EXOC2: variants seen among roughly 807,000 people sequenced by gnomAD.
The protein encoded by EXOC2 is exocyst complex component 2, also known as SEC5-like 1.
In EXOC2, 70 loss-of-function variants were observed where a neutral mutation model predicts 131.8. That is an observed-to-expected ratio of 0.53 (90% CI 0.44 to 0.65). The LOEUF is 0.65. Among genes scored for constraint, EXOC2 ranks in the 30% least tolerant of loss-of-function variants. The pLI, the probability that EXOC2 is intolerant of heterozygous loss-of-function variation, is 0.00. For missense variants in EXOC2, 923 were observed against 1,108.6 expected (o/e 0.83, Z 2.38); for synonymous variants, 411 against 398.4 (o/e 1.03, Z -0.38).
At chr6:685,759 T>A (rs912789656) in intron 1 of EXOC2, among the ~76,000 whole-genome samples, 16 of 151,760 alleles carry the variant, frequency 1.1e-4, no homozygotes, top group African/African-American at 3.9e-4. Flanking sequence ...CCAAATTGTA[T>A]AGAGTTACGG....
intron 13 of EXOC2, among the ~76,000 whole-genome samples, chr6:567,712 A>G (rs1463314401): frequency 3.9e-5 from 6 of 152,032 alleles, no homozygotes; most frequent in African/African-American, 1.5e-4. Flanking sequence ...GTGCATGTGT[A>G]TATTACGTGT....
intron 26 of EXOC2, among the ~76,000 whole-genome samples, chr6:489,445 A>G (rs555735670): frequency 6.6e-6 from 1 of 152,360 alleles, no homozygotes; most frequent in South Asian, 2.1e-4. Context: ...TGGGGTGTTT[A>G]CAGTATTTGG....
At chr6:503,072 T>A (rs1162407826) in intron 23 of EXOC2, among the ~76,000 whole-genome samples, 1 of 152,200 alleles carries the variant, frequency 6.6e-6, no homozygotes, top group African/African-American at 2.4e-5. Flanking sequence ...GCTGGTATTA[T>A]AATTTTTGGT....
chr6:587,765 A>C (rs2127618950), intron 11 of EXOC2, among the ~76,000 whole-genome samples: 1 of 152,330 alleles, frequency 6.6e-6, no homozygotes, highest in East Asian at 1.9e-4. Context: ...AATGCTATCG[A>C]TGCACTCAGA....
chr6:570,127 A>T (rs987290303), intron 13 of EXOC2, among the ~76,000 whole-genome samples: 1 of 133,358 alleles, frequency 7.5e-6, no homozygotes, highest in East Asian at 2.3e-4. Flanking sequence ...TAAAAGACTA[A>T]TTCTTTCTCT....
chr6:486,793 C>A (rs776937799), intron 27 of EXOC2, 29 bp from the exon 28 acceptor site: 2 of 1,583,810 alleles, frequency 1.3e-6, no homozygotes, highest in South Asian at 1.1e-5. Context: ...TGTTTTACAG[C>A]CCGACAGATG....
intron 11 of EXOC2, among the ~76,000 whole-genome samples, chr6:586,779 TG>T (rs1380427346): frequency 2.0e-5 from 3 of 152,146 alleles, no homozygotes; most frequent in African/African-American, 7.2e-5. Flanking sequence ...GGGAGTGACC[TG>T]GACACCCACT....
intron 1 of EXOC2, among the ~76,000 whole-genome samples, chr6:674,475 G>T (rs948739353): frequency 1.2e-4 from 19 of 152,174 alleles, no homozygotes; most frequent in Admixed American, 1.0e-3. Flanking sequence ...AAGCCTTGCA[G>T]TAATAATGAG....
Position 592,478 on chromosome 6 carries a change from C to G in EXOC2, c.1183G>C (p.Asp395His), listed in dbSNP as rs759366249. 6.2e-7 allele frequency: 1 copy of G among 1,613,360 alleles called. No individual in the cohort carries two copies. The highest frequency in any genetic ancestry group is 2.2e-5 in the East Asian group (1 of 44,848). The change falls in exon 11 of 28, where the codon GAT (aspartate) becomes CAT (histidine). Residue 395 changes from aspartate (D) to histidine (H), a missense_variant. Physicochemically the swap from Asp to His is moderately conservative, Grantham distance 81. Transcript: ENST00000230449. ...MHSCKEGYVKDLKGNPGLHSP... is the reference protein window; with the variant it reads ...MHSCKEGYVKHLKGNPGLHSP... ...GAAGAGAAATCCTTGCCTTTCAGAT[C>G]TTTCACGTAGCCCTCTTTGCAACTG...
chr6:513,182 G>A (rs1764951522), intron 23 of EXOC2, among the ~76,000 whole-genome samples: 1 of 152,236 alleles, frequency 6.6e-6, no homozygotes, highest in African/African-American at 2.4e-5. Context: ...GTCACTGCAT[G>A]TGTGTTATCT....
intron 4 of EXOC2, among the ~76,000 whole-genome samples, chr6:628,143 A>G (rs779661220): frequency 6.6e-6 from 1 of 152,232 alleles, no homozygotes; most frequent in Non-Finnish European, 1.5e-5. Context: ...CCTAAGGAAC[A>G]GGTACTGCAT....
At chr6:637,929 G>T in intron 1 of EXOC2, 68 bp from the exon 2 acceptor site, 1 of 1,016,378 alleles carries the variant, frequency 9.8e-7, no homozygotes, top group Non-Finnish European at 1.5e-6. Flanking sequence ...ATATAAGAAT[G>T]CTAGACAGTC....
chr6:658,645 T>TTATATATATATA (rs373868934), intron 1 of EXOC2, among the ~76,000 whole-genome samples: 2 of 118,348 alleles, frequency 1.7e-5, no homozygotes, highest in African/African-American at 3.1e-5. Flanking sequence ...TATATATATT[T>TTATATATATATA]TATATATATA....
chr6:678,573 A>C (rs1021473147), intron 1 of EXOC2, among the ~76,000 whole-genome samples: 2 of 152,240 alleles, frequency 1.3e-5, no homozygotes, highest in Non-Finnish European at 2.9e-5. Flanking sequence ...AATTAGAAAA[A>C]ATAGAGAAAC....
In EXOC2 at chr6:507,001, T is replaced by G. The variant is rs537006494; in HGVS notation, c.2381-7301A>C. On this transcript the variant is annotated intron_variant, in intron 23 of 27. Transcript: ENST00000230449. ...GACACTTTTCCAGGGGCTGGGGATA[T>G]AGCAGGGACTACACACACACACACA... 7.9e-5 allele frequency among the ~76,000 whole-genome samples: 12 copies of G among 151,722 alleles called. No homozygotes were observed. In the East Asian group the frequency reaches 9.7e-4, roughly 12 times the overall value.
intron 23 of EXOC2, among the ~76,000 whole-genome samples, chr6:517,045 T>C (rs1765198757): frequency 1.3e-5 from 2 of 152,156 alleles, no homozygotes; most frequent in Admixed American, 6.5e-5. Context: ...CCATGACTGA[T>C]GCTGCCACAG....
At chr6:564,831 G>A in intron 14 of EXOC2, 33 bp downstream of exon 14, 1 of 1,595,612 alleles carries the variant, frequency 6.3e-7, no homozygotes, top group South Asian at 1.2e-5. Flanking sequence ...CCTACCCTGT[G>A]AAAAGGTCTA....
At chr6:587,729 TGTGCAC>T (rs1254480679) in intron 11 of EXOC2, among the ~76,000 whole-genome samples, 2 of 152,254 alleles carry the variant, frequency 1.3e-5, no homozygotes, top group Non-Finnish European at 2.9e-5. Context: ...ACCATTTGCC[TGTGCAC>T]TGAGTATCAG....
rs1268120503 is a variant in EXOC2 at position 656,442 on chromosome 6, A to G, written c.-43-18581T>C. On this transcript the variant is annotated intron_variant, in intron 1 of 27. Coordinates refer to ENST00000230449, the MANE Select transcript of EXOC2 (RefSeq NM_018303.6). ...GCCCACGTTCGCCATCCTCTCCACG[A>G]TGCTCCTCAGCGTCCTCCAGCGCGG... 1 of 1,613,660 alleles carries G rather than the reference A, an allele frequency of 6.2e-7. No homozygotes were observed. The highest frequency in any genetic ancestry group is 8.5e-7 in the Non-Finnish European group (1 of 1,179,750).
Sources: allele counts gnomAD v4.1 joint callset (sites outside exome capture counted in the v4.1 genomes callset), GRCh38; gene constraint gnomAD v4.1.1; transcripts MANE v1.5; gene names NCBI Gene and HGNC (gene_info 2026-07-23, HGNC 2026-07-21).